Variants in CNTNAP2 observed in about 807,000 individuals in gnomAD.
The protein encoded by CNTNAP2 is contactin-associated protein-like 2.
CNTNAP2 carries 98 observed loss-of-function variants against 155.2 expected under a neutral mutation model. The observed-to-expected ratio is 0.63, with a 90% CI of 0.54 to 0.75. The LOEUF (loss-of-function observed/expected upper bound fraction) is 0.75. CNTNAP2 is among the 30% of genes least tolerant of loss of function. The probability of loss-of-function intolerance (pLI) is 0.00; values close to 1 mark genes in which losing one functional copy is unlikely to be tolerated. For missense variants in CNTNAP2, 1,727 were observed against 1,688.1 expected (o/e 1.02, Z -0.40); for synonymous variants, 651 against 631.2 (o/e 1.03, Z -0.47).
At chr7:147,239,089 A>C (rs1451401127) in intron 8 of CNTNAP2, among the ~76,000 whole-genome samples, 4 of 152,238 alleles carry the variant, frequency 2.6e-5, no homozygotes, top group African/African-American at 4.8e-5. Flanking sequence ...GTCATTTTAT[A>C]GGAAAGGAAT....
At chr7:146,454,863 T>A (rs1367787342) in intron 1 of CNTNAP2, among the ~76,000 whole-genome samples, 1 of 152,208 alleles carries the variant, frequency 6.6e-6, no homozygotes, top group Admixed American at 6.5e-5. Context: ...AGCTTAGAAC[T>A]GGCATCTGTT....
chr7:146,979,002 G>A (rs1797964775), intron 3 of CNTNAP2, among the ~76,000 whole-genome samples: 1 of 152,116 alleles, frequency 6.6e-6, no homozygotes, highest in South Asian at 2.1e-4. Context: ...TGGAAGTTCT[G>A]AAGATCTTAT....
chr7:148,151,138 A>G (rs1157701097), intron 17 of CNTNAP2, among the ~76,000 whole-genome samples: 8 of 151,992 alleles, frequency 5.3e-5, no homozygotes, highest in Admixed American at 5.2e-4. Flanking sequence ...TTTGACTACC[A>G]CCTCTGCCTC....
At chr7:146,794,950 T>C (rs1441938708) in intron 2 of CNTNAP2, among the ~76,000 whole-genome samples, 2 of 152,222 alleles carry the variant, frequency 1.3e-5, no homozygotes, top group Admixed American at 1.3e-4. Flanking sequence ...TGCTCTAAAA[T>C]GCAGCATCTC....
rs561686265 is a variant in CNTNAP2 at position 147,407,324 on chromosome 7, C to T, written c.1670+11544C>T. ...TCTCCTAAAAATACAAAAAATTAGC[C>T]GGGCGTGGTGGCGGGCGCCTGTAGT... On this transcript the variant is annotated intron_variant, in intron 10 of 23. Transcript: ENST00000361727. Among the ~76,000 whole-genome samples the T allele has an allele frequency of 4.5e-3, 676 of 151,322 alleles. 5 individuals are homozygous for T. The highest frequency in any genetic ancestry group is 0.015 in the African/African-American group (626 of 41,340).
intron 4 of CNTNAP2, among the ~76,000 whole-genome samples, chr7:147,071,093 A>G (rs1799881583): frequency 6.6e-6 from 1 of 151,986 alleles, no homozygotes; most frequent in Non-Finnish European, 1.5e-5. Flanking sequence ...TTCACCATAG[A>G]CACATTCCTT....
At chr7:146,644,917 T>C (rs1379479928) in intron 1 of CNTNAP2, among the ~76,000 whole-genome samples, 1 of 152,108 alleles carries the variant, frequency 6.6e-6, no homozygotes, top group African/African-American at 2.4e-5. Context: ...GAGGAACTGG[T>C]ACCATTCCTT....
chr7:146,555,041 T>C (rs1584979485), intron 1 of CNTNAP2, among the ~76,000 whole-genome samples: 1 of 152,174 alleles, frequency 6.6e-6, no homozygotes, highest in East Asian at 1.9e-4. Context: ...GTGGATGAAA[T>C]CTTGATCCTC....
intron 1 of CNTNAP2, among the ~76,000 whole-genome samples, chr7:146,531,509 G>A (rs1320150393): frequency 6.6e-6 from 1 of 152,046 alleles, no homozygotes; most frequent in African/African-American, 2.4e-5. Context: ...ACATAGATTG[G>A]CTTAGAATGT....
At chr7:147,564,541 C>T (rs1377983835) in intron 12 of CNTNAP2, among the ~76,000 whole-genome samples, 1 of 152,076 alleles carries the variant, frequency 6.6e-6, no homozygotes, top group Non-Finnish European at 1.5e-5. Context: ...GAAATCAGGG[C>T]ATCGTGGCTT....
At chr7:147,779,361 G>A (rs1010352351) in intron 13 of CNTNAP2, among the ~76,000 whole-genome samples, 1 of 152,120 alleles carries the variant, frequency 6.6e-6, no homozygotes, top group Non-Finnish European at 1.5e-5. Flanking sequence ...AACGGTACTT[G>A]TATGCCACAC....
At chr7:147,260,846 A>T (rs1489346417) in intron 8 of CNTNAP2, among the ~76,000 whole-genome samples, 1 of 152,210 alleles carries the variant, frequency 6.6e-6, no homozygotes, top group Admixed American at 6.5e-5. Context: ...TGGTTCCTGG[A>T]CCAGCTGCAT....
In CNTNAP2 at chr7:147,047,018, C is replaced by T. The variant is rs1213513448; in HGVS notation, c.550+2964C>T. ...CTGTACTCCAACCTGGGCGACAGAG[C>T]CAGACTCCGTGTCAAAAAAAAAAAA... On this transcript the variant is annotated intron_variant, in intron 4 of 23. Transcript: ENST00000361727. Among the ~76,000 whole-genome samples, 5 of 141,332 alleles carry T rather than the reference C, an allele frequency of 3.5e-5. No individual in the cohort carries two copies. The East Asian group carries it at 1.0e-3, about 29-fold the overall frequency. The allele number at this position is 141,332 out of a possible 152,430, so 92.7% of individuals were successfully genotyped here.
At chr7:147,774,463 T>C (rs527512088) in intron 13 of CNTNAP2, among the ~76,000 whole-genome samples, 2 of 152,200 alleles carry the variant, frequency 1.3e-5, no homozygotes, top group Non-Finnish European at 2.9e-5. Flanking sequence ...TGGAAATTGT[T>C]ATGGACTGAA....
intron 3 of CNTNAP2, among the ~76,000 whole-genome samples, chr7:147,025,922 C>T (rs62483994): frequency 0.045 from 6,756 of 151,306 alleles, 185 homozygotes; most frequent in African/African-American, 0.068. Context: ...TGCAGTGACA[C>T]GATCTGGACT....
chr7:146,742,064 T>C (rs958871851), intron 1 of CNTNAP2, among the ~76,000 whole-genome samples: 8 of 117,806 alleles, frequency 6.8e-5, no homozygotes, highest in Non-Finnish European at 1.2e-4. Flanking sequence ...TTTTAGACTG[T>C]GTTAAAAAAA....
intron 10 of CNTNAP2, among the ~76,000 whole-genome samples, chr7:147,478,184 G>A (rs1039232538): frequency 1.3e-4 from 19 of 150,894 alleles, no homozygotes; most frequent in African/African-American, 1.5e-4. Context: ...AGGGAGTTTC[G>A]CTCTGTTGCC....
intron 13 of CNTNAP2, among the ~76,000 whole-genome samples, chr7:147,833,886 A>G (rs142862604): frequency 3.3e-5 from 5 of 152,304 alleles, no homozygotes; most frequent in Admixed American, 2.0e-4. Context: ...TCACAGACAG[A>G]TATCTGGTAC....
intron 21 of CNTNAP2, among the ~76,000 whole-genome samples, chr7:148,285,802 A>G (rs1003490795): frequency 6.6e-6 from 1 of 152,332 alleles, no homozygotes; most frequent in East Asian, 1.9e-4. Flanking sequence ...TAGGCATAGT[A>G]CAGGTGACCC....
Sources: gnomAD v4.1 joint callset for allele counts (sites outside exome capture counted in the v4.1 genomes callset) on GRCh38, gnomAD v4.1.1 for gene constraint, MANE v1.5 for transcripts, NCBI Gene and HGNC (gene_info 2026-07-23, HGNC 2026-07-21) for gene names.